The following NAALADL2 variants were observed in gnomAD, a reference collection of about 807,000 sequenced individuals.
NAALADL2 encodes N-acetylated alpha-linked acidic dipeptidase like 2, also known as inactive N-acetylated-alpha-linked acidic dipeptidase-like protein 2.
A neutral mutation model predicts 87.2 loss-of-function variants in NAALADL2; 76 were observed. That is an observed-to-expected ratio of 0.87 (90% CI 0.72 to 1.05). The LOEUF (loss-of-function observed/expected upper bound fraction) is 1.05, where lower values mean the gene tolerates loss of function less well. Among genes scored for constraint, NAALADL2 ranks in the 50% least tolerant of loss-of-function variants. The pLI is 0.00. For missense variants in NAALADL2, 1,089 were observed against 945.8 expected (o/e 1.15, Z -1.99); for synonymous variants, 354 against 331.0 (o/e 1.07, Z -0.75).
intron 5 of NAALADL2, among the ~76,000 whole-genome samples, chr3:175,350,006 C>A (rs1763588292): frequency 6.6e-6 from 1 of 150,806 alleles, no homozygotes; most frequent in Non-Finnish European, 1.5e-5. Flanking sequence ...GCACTTCAGG[C>A]ACACTTACAG....
rs531356202 is a variant in NAALADL2 at position 174,746,466 on chromosome 3, G to A, written c.-9+8720G>A. 2.6e-3 allele frequency among the ~76,000 whole-genome samples: 391 copies of A among 152,156 alleles called. 1 individual carries two copies. The highest frequency in any genetic ancestry group is 4.1e-3 in the Non-Finnish European group (278 of 68,004). ...AAATGGAAAAACATTCCATGCTCAT[G>A]GGTAGGAAGAATCAATATTGTGAAA... On this transcript the variant is annotated intron_variant, in intron 3 of 3. Coordinates refer to the NAALADL2 transcript ENST00000434257.
chr3:175,019,888 C>A (rs1445259553), intron 1 of NAALADL2, among the ~76,000 whole-genome samples: 1 of 152,026 alleles, frequency 6.6e-6, no homozygotes, highest in Non-Finnish European at 1.5e-5. Flanking sequence ...CCTGAGATAT[C>A]TGTAGTTAGA....
intron 2 of NAALADL2, among the ~76,000 whole-genome samples, chr3:174,560,134 C>A (rs995928591): frequency 6.6e-6 from 1 of 152,106 alleles, no homozygotes; most frequent in African/African-American, 2.4e-5. Context: ...ACTTTTGTCT[C>A]TAGCCTTCAA....
intron 1 of NAALADL2, among the ~76,000 whole-genome samples, chr3:174,927,928 T>G (rs1736323575): frequency 6.6e-6 from 1 of 151,520 alleles, no homozygotes; most frequent in African/African-American, 2.4e-5. Flanking sequence ...GAGCTGTTTT[T>G]TTGAAGAGAT....
At chr3:175,535,119 G>A (rs114523800) in intron 9 of NAALADL2, among the ~76,000 whole-genome samples, 3,251 of 152,092 alleles carry the variant, frequency 0.021, 120 homozygotes, top group African/African-American at 0.073. Context: ...CAGTCATACG[G>A]CTGCTATGTA....
intron 4 of NAALADL2, among the ~76,000 whole-genome samples, chr3:175,313,447 A>T (rs1270162572): frequency 6.6e-6 from 1 of 152,206 alleles, no homozygotes; most frequent in Non-Finnish European, 1.5e-5. Flanking sequence ...GTTTTGAAGG[A>T]GCTAAATGAT....
chr3:175,285,204 T>C (rs1350430408), intron 4 of NAALADL2, among the ~76,000 whole-genome samples: 1 of 152,170 alleles, frequency 6.6e-6, no homozygotes, highest in Non-Finnish European at 1.5e-5. Context: ...CCTATAAAAC[T>C]TTTTAGTTAC....
At chr3:175,260,205 A>G (rs1394916037) in intron 4 of NAALADL2, among the ~76,000 whole-genome samples, 1 of 152,198 alleles carries the variant, frequency 6.6e-6, no homozygotes, top group East Asian at 1.9e-4. Context: ...GGGCACAGCT[A>G]TAAAGATCCT....
At chr3:175,405,855 C>T (rs1201945125) in intron 5 of NAALADL2, among the ~76,000 whole-genome samples, 2 of 152,192 alleles carry the variant, frequency 1.3e-5, no homozygotes, top group African/African-American at 4.8e-5. Context: ...TGATTTTAAA[C>T]ATGAATACTG....
In NAALADL2 at chr3:174,717,211, T is replaced by A. The variant is rs548747371; in HGVS notation, c.-114-20430T>A. On this transcript the variant is annotated intron_variant, in intron 2 of 3. Coordinates refer to the NAALADL2 transcript ENST00000434257. ...AGGAAAGAGAACAGATCTTAAAGCA[T>A]CATCTACCTCTCTCTTCCTGGTGAC... Among the ~76,000 whole-genome samples, 12 of 152,282 alleles carry A rather than the reference T, an allele frequency of 7.9e-5. No homozygotes were observed. In the South Asian group the frequency reaches 2.3e-3, roughly 29 times the overall value.
intron 1 of NAALADL2, among the ~76,000 whole-genome samples, chr3:175,016,164 A>C (rs1750778599): frequency 2.0e-5 from 3 of 150,942 alleles, no homozygotes; most frequent in African/African-American, 7.3e-5. Flanking sequence ...TAAAAAGACC[A>C]AATCATACTA....
At chr3:174,450,005 T>C (rs1449637553) in intron 1 of NAALADL2, among the ~76,000 whole-genome samples, 1 of 147,308 alleles carries the variant, frequency 6.8e-6, no homozygotes, top group African/African-American at 2.5e-5. Context: ...CACATATATA[T>C]ACACAACACA....
chr3:175,699,942 T>G (rs1358100995), intron 11 of NAALADL2, among the ~76,000 whole-genome samples: 1 of 152,166 alleles, frequency 6.6e-6, no homozygotes, highest in African/African-American at 2.4e-5. Flanking sequence ...CAAGGGCATT[T>G]TCTGTAGTCC....
intron 3 of NAALADL2, among the ~76,000 whole-genome samples, chr3:175,247,099 C>T (rs1748132040): frequency 1.3e-5 from 2 of 152,174 alleles, no homozygotes; most frequent in South Asian, 4.1e-4. Flanking sequence ...CTCATATAAA[C>T]TGTTAAAGCT....
intron 2 of NAALADL2, among the ~76,000 whole-genome samples, chr3:174,712,576 C>T (rs933738339): frequency 1.6e-4 from 24 of 151,348 alleles, no homozygotes; most frequent in African/African-American, 4.9e-4. Flanking sequence ...TTAGTAGAGA[C>T]GGGGTTTCAC....
At chr3:175,282,149 GAATA>G (rs1754393826) in intron 4 of NAALADL2, among the ~76,000 whole-genome samples, 1 of 151,852 alleles carries the variant, frequency 6.6e-6, no homozygotes. Context: ...TTTTACAAAT[GAATA>G]AATAAATGAA....
chr3:174,499,224 C>G (rs1025902271), intron 1 of NAALADL2, among the ~76,000 whole-genome samples: 1 of 151,976 alleles, frequency 6.6e-6, no homozygotes, highest in Non-Finnish European at 1.5e-5. Flanking sequence ...GATGAAATGT[C>G]TGTTTAAATC....
chr3:175,305,572 G>T (rs1255855905), intron 4 of NAALADL2, among the ~76,000 whole-genome samples: 1 of 151,580 alleles, frequency 6.6e-6, no homozygotes, highest in Admixed American at 6.6e-5. Context: ...GTCCAGGCTG[G>T]AGTGCAATGG....
chr3:175,633,619 A>G (rs545585732), intron 11 of NAALADL2, among the ~76,000 whole-genome samples: 54 of 152,024 alleles, frequency 3.6e-4, no homozygotes, highest in African/African-American at 1.2e-3. Context: ...CATCTAATGA[A>G]ACAAAAATGC....
Sources: gnomAD v4.1 joint callset for allele counts (sites outside exome capture counted in the v4.1 genomes callset) on GRCh38, gnomAD v4.1.1 for gene constraint, MANE v1.5 for transcripts, NCBI Gene and HGNC (gene_info 2026-07-23, HGNC 2026-07-21) for gene names.